Variants in RHBDD1 observed in about 807,000 individuals in gnomAD.
RHBDD1 encodes the protein rhomboid-related protein 4.
RHBDD1 carries 38 observed loss-of-function variants against 36.3 expected under a neutral mutation model. The ratio of observed to expected loss-of-function variants is 1.05; its 90% confidence interval spans 0.81 to 1.37. RHBDD1 has a LOEUF of 1.37. Among genes scored for constraint, RHBDD1 ranks in the 40% most tolerant of loss-of-function variants. RHBDD1 has a pLI of 0.00. For missense variants in RHBDD1, 393 were observed against 377.6 expected, an observed-to-expected ratio of 1.04 and a Z score of -0.34; for synonymous variants, 151 against 136.5, an observed-to-expected ratio of 1.11 and a Z score of -0.74.
chr2:226,971,866 CT>C (rs1953578026), intron 8 of RHBDD1, among the ~76,000 whole-genome samples: 1 of 149,840 alleles, frequency 6.7e-6, no homozygotes, highest in Non-Finnish European at 1.5e-5. Flanking sequence ...TGGCAAGGAA[CT>C]TATTGAACAT....
chr2:226,875,766 C>T (rs576530567), intron 5 of RHBDD1, among the ~76,000 whole-genome samples: 1 of 152,242 alleles, frequency 6.6e-6, no homozygotes, highest in African/African-American at 2.4e-5. Context: ...ACAATCTATC[C>T]ATAAATGCTG....
At position 226,838,114 on chromosome 2, in the gene RHBDD1, G is replaced by C. The variant is rs1006604963; in HGVS notation, c.-350G>C. 1 of 152,152 alleles carries C rather than the reference G, an allele frequency of 6.6e-6. No homozygotes were observed. The highest frequency in any genetic ancestry group is 2.4e-5 in the African/African-American group (1 of 41,428). 9.4% of individuals were successfully genotyped at this position (152,152 alleles called of 1,614,324 possible). A position where few individuals can be genotyped will look rare whatever the true frequency, so the allele number is the denominator to read the frequency against. ...GAGAAAGAAATATTCAGGATTTAAA[G>C]CAGCTGCTCTAAAGGCTACATTCAC... On this transcript the variant is annotated 5_prime_UTR_variant, in exon 2 of 9. Coordinates refer to ENST00000392062, the MANE Select transcript of RHBDD1 (RefSeq NM_001167608.3).
chr2:226,989,701 T>C lies in RHBDD1; in HGVS notation c.857-5730T>C, dbSNP rs552021111. On this transcript the variant is annotated intron_variant, in intron 8 of 8. Transcript: ENST00000392062. Reference sequence around the variant, plus strand: ...ACCTGACATAGTGGACCTGATGTTATAGCTTACTCGATTGTTAACTGGATT... The same window carrying C: ...ACCTGACATAGTGGACCTGATGTTACAGCTTACTCGATTGTTAACTGGATT... Among the ~76,000 whole-genome samples, 10 of 152,348 alleles carry C rather than the reference T, an allele frequency of 6.6e-5. No homozygotes were observed. In the South Asian group the frequency reaches 2.1e-3, roughly 32 times the overall value.
chr2:226,949,368 T>C (rs1951256940), intron 8 of RHBDD1, among the ~76,000 whole-genome samples: 1 of 152,068 alleles, frequency 6.6e-6, no homozygotes, highest in Admixed American at 6.6e-5. Flanking sequence ...TTAGGGGAAG[T>C]TGGGGGCAAA....
At chr2:226,848,676 T>C (rs1267198430) in intron 3 of RHBDD1, among the ~76,000 whole-genome samples, 2 of 152,138 alleles carry the variant, frequency 1.3e-5, no homozygotes, top group Non-Finnish European at 2.9e-5. Context: ...GACTCTTAAA[T>C]GGTAATTTTG....
At chr2:226,966,951 A>G (rs1292265669) in intron 8 of RHBDD1, among the ~76,000 whole-genome samples, 2 of 152,088 alleles carry the variant, frequency 1.3e-5, no homozygotes, top group East Asian at 3.9e-4. Flanking sequence ...ATGTGTTTTA[A>G]TAAGCTCTGC....
chr2:226,861,336 G>A (rs1559204111), intron 3 of RHBDD1, among the ~76,000 whole-genome samples: 1 of 152,176 alleles, frequency 6.6e-6, no homozygotes, highest in Non-Finnish European at 1.5e-5. Flanking sequence ...ACAGAAGCAG[G>A]AGCAGTCAAC....
At position 226,914,345 on chromosome 2, in the gene RHBDD1, G is replaced by T; in HGVS notation, c.850G>T (p.Asp284Tyr). 1.2e-6 allele frequency: 2 copies of T among 1,613,074 alleles called. No individual in the cohort carries two copies. The highest frequency in any genetic ancestry group is 2.2e-5 in the South Asian group (2 of 90,932). ...LERALQASLW[D>Y]RGNTRNSPPP... The stretch of plus-strand genomic sequence containing the variant: ...GAGAGCATTACAAGCCAGCCTCTGG[G>T]ACCGAGGTAGGAGTCTTGCGCCCTT... Residue 284 changes from aspartate (D) to tyrosine (Y), a missense_variant, in exon 8 of 9, where the codon GAC (aspartate) becomes TAC (tyrosine). Asp to Tyr is a radical substitution (Grantham distance 160). Transcript: ENST00000392062.
At chr2:226,879,405 C>T (rs576612133) in intron 5 of RHBDD1, among the ~76,000 whole-genome samples, 2 of 152,308 alleles carry the variant, frequency 1.3e-5, no homozygotes, top group African/African-American at 2.4e-5. Flanking sequence ...TTTGTTAGAA[C>T]AAGTACTGTT....
chr2:226,987,573 G>A (rs1037679143), intron 8 of RHBDD1, among the ~76,000 whole-genome samples: 1 of 152,220 alleles, frequency 6.6e-6, no homozygotes, highest in Non-Finnish European at 1.5e-5. Context: ...CCTGACGCCT[G>A]TGTCTCACTG....
intron 8 of RHBDD1, among the ~76,000 whole-genome samples, chr2:226,916,779 C>G (rs1948937073): frequency 1.3e-5 from 2 of 152,146 alleles, no homozygotes; most frequent in South Asian, 4.1e-4. Context: ...AAAGGAAATG[C>G]AAGAAGACAA....
intron 6 of RHBDD1, chr2:226,908,452 C>A: frequency 5.0e-6 from 1 of 200,072 alleles, no homozygotes; most frequent in Non-Finnish European, 1.0e-5. Flanking sequence ...CTAACACCTT[C>A]TTTGAGGAAG....
chr2:226,962,456 G>A (rs1952280519), intron 8 of RHBDD1, among the ~76,000 whole-genome samples: 1 of 152,218 alleles, frequency 6.6e-6, no homozygotes, highest in Non-Finnish European at 1.5e-5. Flanking sequence ...GTGAAAAGGA[G>A]ACCCATTCAT....
intron 8 of RHBDD1, among the ~76,000 whole-genome samples, chr2:226,975,934 G>A (rs1227197841): frequency 6.6e-6 from 1 of 152,008 alleles, no homozygotes; most frequent in African/African-American, 2.4e-5. Context: ...GTGGCCCCAG[G>A]GTTGTTGTGT....
intron 8 of RHBDD1, among the ~76,000 whole-genome samples, chr2:226,989,382 G>A (rs939661374): frequency 2.0e-5 from 3 of 152,164 alleles, no homozygotes; most frequent in Admixed American, 6.5e-5. Context: ...GTTGGGTAAC[G>A]GGGTATAGTA....
chr2:226,804,258 G>C, the RHBDD1 span: 6 of 152,110 alleles, frequency 3.9e-5, no homozygotes, highest in Admixed American at 1.3e-4. Flanking sequence ...TCCCAGTCCT[G>C]CTAAACCAAA....
chr2:226,930,929 ACAATAT>A (rs1312676187), intron 8 of RHBDD1, among the ~76,000 whole-genome samples: 1 of 152,140 alleles, frequency 6.6e-6, no homozygotes, highest in Non-Finnish European at 1.5e-5. Flanking sequence ...AATTCAAACC[ACAATAT>A]GAGATACTAC....
chr2:226,819,658 A>T, the RHBDD1 span, among the ~76,000 whole-genome samples: 2 of 152,204 alleles, frequency 1.3e-5, no homozygotes, highest in Non-Finnish European at 2.9e-5. Flanking sequence ...GTCTCAAAAA[A>T]ATTTCATCTG....
At position 226,983,988 on chromosome 2, in the gene RHBDD1, G is replaced by A. The variant is rs545446651; in HGVS notation, c.857-11443G>A. ...GTGAATGGAGGAACTGTCCCTGCTC[G>A]TATAGGAGGGTGAGCCATGCAGCTG... On this transcript the variant is annotated intron_variant, in intron 8 of 8. Coordinates refer to ENST00000392062, the MANE Select transcript of RHBDD1 (RefSeq NM_001167608.3). Among the ~76,000 whole-genome samples, 9 of 152,344 alleles carry A rather than the reference G, an allele frequency of 5.9e-5. No individual in the cohort carries two copies. The East Asian group carries it at 9.6e-4, about 16-fold the overall frequency.
Sources: allele counts gnomAD v4.1 joint callset (sites outside exome capture counted in the v4.1 genomes callset), GRCh38; gene constraint gnomAD v4.1.1; transcripts MANE v1.5; gene names NCBI Gene and HGNC (gene_info 2026-07-23, HGNC 2026-07-21).